SPOCK1: variants seen among roughly 807,000 people sequenced by gnomAD.
The protein encoded by SPOCK1 is SPARC (osteonectin), cwcv and kazal like domains proteoglycan 1, also known as testican-1.
In SPOCK1, 23 loss-of-function variants were observed where a neutral mutation model predicts 55.3. That is an observed-to-expected ratio of 0.42 (90% CI 0.30 to 0.59). The LOEUF (loss-of-function observed/expected upper bound fraction) is 0.59, where lower values mean the gene tolerates loss of function less well. SPOCK1 is among the 20% of genes least tolerant of loss of function. The pLI is 0.22. For missense variants in SPOCK1, 499 were observed against 552.5 expected (o/e 0.90, Z 0.97); for synonymous variants, 226 against 221.0 (o/e 1.02, Z -0.20).
In SPOCK1 at chr5:137,030,582, CTG is replaced by C. The variant is rs143672778; in HGVS notation, c.589+37131_589+37132del. On this transcript the variant is annotated intron_variant, in intron 6 of 10. Transcript: ENST00000394945. ...GCAACTAAGAAACACTTAAAAAATT[CTG>C]TGTCTTTTTAACTAACAACTCAGGA... 3.8e-3 allele frequency among the ~76,000 whole-genome samples: 584 copies of C among 152,284 alleles called. 9 individuals are homozygous for C. The highest frequency in any genetic ancestry group is 0.02 in the Middle Eastern group (6 of 294).
At chr5:137,430,336 C>T (rs534825382) in intron 2 of SPOCK1, among the ~76,000 whole-genome samples, 3 of 152,234 alleles carry the variant, frequency 2.0e-5, no homozygotes, top group African/African-American at 7.2e-5. Context: ...CACCCCAGCT[C>T]ATACTCCGCA....
rs1295549088 is a variant in SPOCK1, at chr5:136,978,684, GTCA to G, written c.1287_1289del (p.Asp430del). ...ATATGTACCCGACCTCATCCTCTTT[GTCA>G]TCATCCTCATCCTCATCATCCTCTG... On this transcript the variant is annotated inframe_deletion, in exon 11 of 11. Transcript: ENST00000394945. 9 of 1,612,458 alleles carry G rather than the reference GTCA, an allele frequency of 5.6e-6. No homozygotes were observed. The highest frequency in any genetic ancestry group is 2.7e-5 in the African/African-American group (2 of 74,822).
intron 3 of SPOCK1, among the ~76,000 whole-genome samples, chr5:137,255,398 T>C (rs191589231): frequency 3.8e-4 from 58 of 152,326 alleles, no homozygotes; most frequent in Middle Eastern, 3.4e-3. Context: ...ACTGCGCATG[T>C]GATGGAGTAA....
chr5:137,087,714 A>T (rs1361593625), intron 5 of SPOCK1, among the ~76,000 whole-genome samples: 1 of 152,232 alleles, frequency 6.6e-6, no homozygotes, highest in Non-Finnish European at 1.5e-5. Flanking sequence ...TGCAGGATAC[A>T]CTGAGGTAAG....
At chr5:137,328,125 T>C (rs1430166391) in intron 2 of SPOCK1, among the ~76,000 whole-genome samples, 5 of 152,202 alleles carry the variant, frequency 3.3e-5, no homozygotes, top group Admixed American at 1.3e-4. Context: ...TGCAAAATGA[T>C]TGGACTGACC....
At chr5:137,353,243 C>T (rs1384261149) in intron 2 of SPOCK1, among the ~76,000 whole-genome samples, 1 of 151,936 alleles carries the variant, frequency 6.6e-6, no homozygotes, top group African/African-American at 2.4e-5. Context: ...TAGCTGGGTG[C>T]GGTGATGTAC....
chr5:137,312,901 G>C (rs1400606521), intron 2 of SPOCK1, among the ~76,000 whole-genome samples: 1 of 152,188 alleles, frequency 6.6e-6, no homozygotes, highest in South Asian at 2.1e-4. Flanking sequence ...GAGGAGGAAT[G>C]CCCACTTCTG....
chr5:137,233,684 C>T (rs1756115941), intron 3 of SPOCK1, among the ~76,000 whole-genome samples: 1 of 140,450 alleles, frequency 7.1e-6, no homozygotes, highest in Non-Finnish European at 1.5e-5. Flanking sequence ...TCAATTTTCA[C>T]ATATTCATTG....
chr5:137,059,834 C>T (rs561997226), intron 6 of SPOCK1, among the ~76,000 whole-genome samples: 1 of 152,112 alleles, frequency 6.6e-6, no homozygotes, highest in Admixed American at 6.5e-5. Context: ...ACATGGCCAA[C>T]AAGCATATGA....
intron 3 of SPOCK1, among the ~76,000 whole-genome samples, chr5:137,214,351 C>G (rs1325369941): frequency 6.6e-6 from 1 of 152,156 alleles, no homozygotes; most frequent in Non-Finnish European, 1.5e-5. Context: ...GCCCACCTCC[C>G]TAGAGTACCA....
At chr5:137,353,993 T>C (rs1750737112) in intron 2 of SPOCK1, among the ~76,000 whole-genome samples, 2 of 152,176 alleles carry the variant, frequency 1.3e-5, no homozygotes, top group Non-Finnish European at 2.9e-5. Flanking sequence ...TCCTGATGTC[T>C]GCCGAAAGTG....
chr5:137,261,927 A>C (rs1756749300), intron 3 of SPOCK1, among the ~76,000 whole-genome samples: 1 of 152,168 alleles, frequency 6.6e-6, no homozygotes, highest in Non-Finnish European at 1.5e-5. Flanking sequence ...GTGTTCCATC[A>C]CTTTGAGACA....
At chr5:137,196,824 C>T (rs1285840400) in intron 3 of SPOCK1, among the ~76,000 whole-genome samples, 1 of 152,242 alleles carries the variant, frequency 6.6e-6, no homozygotes, top group Non-Finnish European at 1.5e-5. Context: ...GACCAGTACT[C>T]TTCAGGGTGC....
At chr5:137,136,872 T>C (rs1753994835) in intron 4 of SPOCK1, among the ~76,000 whole-genome samples, 1 of 152,116 alleles carries the variant, frequency 6.6e-6, no homozygotes, top group Non-Finnish European at 1.5e-5. Context: ...AACAAAGAAT[T>C]TCCAAAGAGA....
At chr5:136,995,909 G>A (rs1751031354) in intron 6 of SPOCK1, among the ~76,000 whole-genome samples, 1 of 152,210 alleles carries the variant, frequency 6.6e-6, no homozygotes, top group Admixed American at 6.5e-5. Context: ...GGAAAGAGGA[G>A]GCTCTCAGTT....
intron 2 of SPOCK1, among the ~76,000 whole-genome samples, chr5:137,379,911 T>C (rs1751423192): frequency 1.3e-5 from 2 of 152,226 alleles, no homozygotes; most frequent in South Asian, 4.1e-4. Context: ...CCCGTGGTGA[T>C]AGCACTAAAA....
At chr5:137,060,231 AATGTGGTACAC>A (rs1223687662) in intron 6 of SPOCK1, among the ~76,000 whole-genome samples, 1 of 152,252 alleles carries the variant, frequency 6.6e-6, no homozygotes, top group African/African-American at 2.4e-5. Context: ...GCATAAATAA[AATGTGGTACAC>A]ATGTACCATA....
At chr5:137,267,253 A>G (rs899523851) in intron 2 of SPOCK1, among the ~76,000 whole-genome samples, 198 bp from the exon 3 acceptor site, 1 of 152,224 alleles carries the variant, frequency 6.6e-6, no homozygotes. Context: ...TTCAAACCGT[A>G]TGTATTCAAT....
At chr5:137,290,264 T>TA (rs541164695) in intron 2 of SPOCK1, among the ~76,000 whole-genome samples, 8 of 151,614 alleles carry the variant, frequency 5.3e-5, no homozygotes, top group Admixed American at 2.6e-4. Flanking sequence ...ATTTTACACA[T>TA]AAAAAAAAAT....
Sources: gnomAD v4.1 joint callset for allele counts (sites outside exome capture counted in the v4.1 genomes callset) on GRCh38, gnomAD v4.1.1 for gene constraint, MANE v1.5 for transcripts, NCBI Gene and HGNC (gene_info 2026-07-23, HGNC 2026-07-21) for gene names.